Variants in PRKAR1A observed in about 807,000 individuals in gnomAD.
PRKAR1A encodes cAMP-dependent protein kinase type I-alpha regulatory subunit.
PRKAR1A carries 3 observed loss-of-function variants against 52.0 expected under a neutral mutation model. That is an observed-to-expected ratio of 0.06 (90% CI 0.03 to 0.15). The LOEUF is 0.15. Ranked by LOEUF, PRKAR1A falls within the 10% of genes least tolerant of loss-of-function variation. The pLI, the probability that PRKAR1A is intolerant of heterozygous loss-of-function variation, is 1.00. For synonymous variants in PRKAR1A, 188 were observed against 168.4 expected, an observed-to-expected ratio of 1.12 and a Z score of -0.90; for missense variants, 240 against 477.4, an observed-to-expected ratio of 0.50 and a Z score of 4.63.
chr17:68,453,052 G>T, the PRKAR1A span: 1 of 1,393,292 alleles, frequency 7.2e-7, no homozygotes. Flanking sequence ...AGATCTGTCT[G>T]CAAATAGATG....
the PRKAR1A span, among the ~76,000 whole-genome samples, chr17:68,497,445 G>A: frequency 3.8e-3 from 584 of 152,266 alleles, 3 homozygotes; most frequent in African/African-American, 0.013. Context: ...TGTCCAATAT[G>A]GTAGTCACTA....
chr17:68,524,219 T>C, intron 5 of PRKAR1A, 142 bp downstream of exon 5: 2 of 760,774 alleles, frequency 2.6e-6, no homozygotes, highest in Non-Finnish European at 4.3e-6. Context: ...GATTTTTCTA[T>C]TTCTTTTAAA....
intron 11 of PRKAR1A, among the ~76,000 whole-genome samples, chr17:68,542,519 T>A (rs1412369584): frequency 1.3e-5 from 2 of 152,074 alleles, no homozygotes; most frequent in Non-Finnish European, 2.9e-5. Flanking sequence ...CCCATCCAGT[T>A]CATCTTGTGT....
At chr17:68,524,831 T>TAA (rs2085735256) in intron 5 of PRKAR1A, 81 bp from the exon 6 acceptor site, 1 of 1,156,894 alleles carries the variant, frequency 8.6e-7, no homozygotes, top group African/African-American at 1.5e-5. Context: ...CACTGTAAAA[T>TAA]AAGTTTATTG....
chr17:68,549,369 C>G (rs1177431681), intron 11 of PRKAR1A, among the ~76,000 whole-genome samples: 1 of 151,990 alleles, frequency 6.6e-6, no homozygotes, highest in African/African-American at 2.4e-5. Context: ...TGGTACACAT[C>G]TATAATCCCA....
At chr17:68,517,627 G>C (rs55736761) in intron 2 of PRKAR1A, among the ~76,000 whole-genome samples, 25,218 of 152,204 alleles carry the variant, frequency 0.17, 2,275 homozygotes, top group African/African-American at 0.23. Flanking sequence ...CTCCCACCAG[G>C]TCCCTCTCAG....
chr17:68,531,282 A>G lies in PRKAR1A; in HGVS notation c.*833A>G. ...GATCAGATGCTGAATTGAGAATAAG[A>G]ATTTGAGGTCTACATTCTTGGTTGT... On this transcript the variant is annotated 3_prime_UTR_variant, in exon 11 of 11. Transcript: ENST00000589228. 1 of 1,066,306 alleles carries G rather than the reference A, an allele frequency of 9.4e-7. No individual in the cohort carries two copies. The highest frequency in any genetic ancestry group is 1.1e-6 in the Non-Finnish European group (1 of 879,650). The allele number at this position is 1,066,306 out of a possible 1,614,324, so 66.1% of individuals were successfully genotyped here. A position where few individuals can be genotyped will look rare whatever the true frequency, so the allele number is the denominator to read the frequency against.
At chr17:68,540,362 C>T (rs976036915) in intron 11 of PRKAR1A, among the ~76,000 whole-genome samples, 5 of 152,190 alleles carry the variant, frequency 3.3e-5, no homozygotes, top group Admixed American at 1.3e-4. Context: ...CTGAAAGGCA[C>T]GATGATGAGC....
the PRKAR1A span, among the ~76,000 whole-genome samples, chr17:68,489,013 GA>G: frequency 6.8e-6 from 1 of 147,874 alleles, no homozygotes; most frequent in East Asian, 2.0e-4. Flanking sequence ...TTAAAAATTT[GA>G]AAAAAAATGC....
At chr17:68,480,836 C>T in the PRKAR1A span, among the ~76,000 whole-genome samples, 1 of 152,180 alleles carries the variant, frequency 6.6e-6, no homozygotes, top group African/African-American at 2.4e-5. Context: ...GCCACCGTGC[C>T]CAGCCAACAC....
At chr17:68,537,314 T>G, downstream of PRKAR1A, 1 of 894,828 alleles carries the variant, frequency 1.1e-6, no homozygotes, top group Non-Finnish European at 1.8e-6. The surrounding 1 kb of genome is among the most constrained non-coding windows in gnomAD (Gnocchi z 4.2). Context: ...GGAGTAAAGA[T>G]TCAGTTCCAT....
At chr17:68,502,186 C>G in the PRKAR1A span, among the ~76,000 whole-genome samples, 1 of 152,120 alleles carries the variant, frequency 6.6e-6, no homozygotes, top group Non-Finnish European at 1.5e-5. Flanking sequence ...AAAGTGTGCA[C>G]TTGGTCACAT....
the PRKAR1A span, among the ~76,000 whole-genome samples, chr17:68,416,901 T>C: frequency 9.2e-5 from 14 of 152,350 alleles, no homozygotes; most frequent in Middle Eastern, 3.4e-3. Flanking sequence ...TTTCCTTGCA[T>C]TGGGCTTCAC....
chr17:68,503,083 A>G, the PRKAR1A span, among the ~76,000 whole-genome samples: 3 of 152,256 alleles, frequency 2.0e-5, no homozygotes, highest in African/African-American at 7.2e-5. Context: ...ACCTCAGAGA[A>G]GACTCACAGA....
the PRKAR1A span, among the ~76,000 whole-genome samples, chr17:68,484,685 C>A: frequency 6.6e-6 from 1 of 152,112 alleles, no homozygotes; most frequent in Non-Finnish European, 1.5e-5. Flanking sequence ...TCACAGATGT[C>A]CTTTAACAGG....
downstream of PRKAR1A, among the ~76,000 whole-genome samples, chr17:68,534,560 C>CTTTTTTTTTTTTTTTTTTTTTTTTTTTT (rs34994040): frequency 9.0e-6 from 1 of 111,050 alleles, no homozygotes; most frequent in Non-Finnish European, 1.8e-5. Flanking sequence ...TTTTTAGTGC[C>CTTTTTTTTTTTTTTTTTTTTTTTTTTTT]TTTTTTTTTT....
In PRKAR1A at chr17:68,529,912, T is replaced by G; in HGVS notation, c.892-8T>G. 6.2e-7 allele frequency: 1 copy of G among 1,613,998 alleles called. No individual in the cohort carries two copies. Among genetic ancestry groups the G allele is most frequent in the Non-Finnish European group, 8.5e-7 (1 of 1,179,886 alleles). On this transcript the variant is annotated splice_polypyrimidine_tract_variant and splice_region_variant and intron_variant, in intron 9 of 10. Coordinates refer to ENST00000589228, the MANE Select transcript of PRKAR1A (RefSeq NM_002734.5). ...TGTTTGTTTAGCTTTTTGGTGATTT[T>G]ATTATAGGGGTCAGCTGCTGTGCTA...
At chr17:68,486,507 T>TTCCC in the PRKAR1A span, among the ~76,000 whole-genome samples, 8 of 40,456 alleles carry the variant, frequency 2.0e-4, no homozygotes, top group African/African-American at 7.1e-4. Context: ...CCTTCCTTCC[T>TTCCC]TCTTTCTTTC....
chr17:68,449,083 G>T, the PRKAR1A span, among the ~76,000 whole-genome samples: 7 of 152,154 alleles, frequency 4.6e-5, no homozygotes, highest in East Asian at 9.6e-4. Flanking sequence ...TGTCTCATTT[G>T]TTAAAAAAAA....
Sources: gnomAD v4.1 joint callset for allele counts (sites outside exome capture counted in the v4.1 genomes callset) on GRCh38, gnomAD v4.1.1 for gene constraint, Gnocchi (gnomAD v3.1) non-coding constraint, MANE v1.5 for transcripts, NCBI Gene and HGNC (gene_info 2026-07-23, HGNC 2026-07-21) for gene names.